Variants in AUTS2 observed in about 807,000 individuals in gnomAD.
The protein encoded by AUTS2 is autism susceptibility gene 2 protein.
Under a neutral mutation model 112.4 loss-of-function variants are expected in AUTS2, and 17 were observed. That is an observed-to-expected ratio of 0.15 (90% CI 0.10 to 0.23). The LOEUF is 0.23. AUTS2 is among the 10% of genes least tolerant of loss of function. The pLI is 1.00. For missense variants in AUTS2, 1,510 were observed against 1,701.6 expected, an observed-to-expected ratio of 0.89 and a Z score of 1.98; for synonymous variants, 751 against 702.7, an observed-to-expected ratio of 1.07 and a Z score of -1.09.
intron 6 of AUTS2, among the ~76,000 whole-genome samples, chr7:70,723,369 C>G (rs1786813449): frequency 6.6e-6 from 1 of 152,088 alleles, no homozygotes; most frequent in Non-Finnish European, 1.5e-5. Flanking sequence ...AACCCAAGAC[C>G]TTGAAGATGG....
intron 1 of AUTS2, among the ~76,000 whole-genome samples, chr7:69,730,415 T>A (rs1295987508): frequency 3.9e-5 from 6 of 152,180 alleles, no homozygotes; most frequent in African/African-American, 1.2e-4. Flanking sequence ...TTCCTGTGGT[T>A]TAATTAAAAG....
At chr7:70,702,536 G>C (rs1436337797) in intron 6 of AUTS2, among the ~76,000 whole-genome samples, 1 of 152,184 alleles carries the variant, frequency 6.6e-6, no homozygotes, top group Non-Finnish European at 1.5e-5. Flanking sequence ...CTGGGGAAAA[G>C]CCTCCTGAGT....
chr7:70,134,695 G>C (rs368578164), intron 4 of AUTS2, 124 bp downstream of exon 4: 1 of 893,596 alleles, frequency 1.1e-6, no homozygotes, highest in South Asian at 1.5e-5. Context: ...AGAGCAGACT[G>C]ATTTCCATTC....
intron 2 of AUTS2, among the ~76,000 whole-genome samples, chr7:69,943,644 T>G (rs764132578): frequency 1.3e-5 from 2 of 152,218 alleles, no homozygotes; most frequent in African/African-American, 2.4e-5. Flanking sequence ...AGACTAAAAC[T>G]AACTTCACTG....
chr7:70,515,019 A>T (rs1799358531), intron 5 of AUTS2, among the ~76,000 whole-genome samples: 1 of 152,108 alleles, frequency 6.6e-6, no homozygotes, highest in South Asian at 2.1e-4. Context: ...TACTCTGGAT[A>T]CTAATTTTTT....
At chr7:69,753,589 G>A (rs1288568785) in intron 1 of AUTS2, among the ~76,000 whole-genome samples, 1 of 152,192 alleles carries the variant, frequency 6.6e-6, no homozygotes, top group Non-Finnish European at 1.5e-5. Flanking sequence ...GTGTGAGGGT[G>A]CAATATGGGT....
chr7:69,600,002 C>T, intron 1 of AUTS2, 40 bp downstream of exon 1: 1 of 1,604,162 alleles, frequency 6.2e-7, no homozygotes, highest in Non-Finnish European at 8.5e-7. Flanking sequence ...CCTTTATGCA[C>T]GACCCCACTC....
intron 5 of AUTS2, among the ~76,000 whole-genome samples, chr7:70,464,678 G>C (rs1797102930): frequency 1.3e-5 from 2 of 152,172 alleles, no homozygotes; most frequent in African/African-American, 4.8e-5. Flanking sequence ...GAAAGTGCCA[G>C]AATAAGATGC....
chr7:70,304,915 A>C (rs1789423423), intron 4 of AUTS2, among the ~76,000 whole-genome samples: 1 of 152,088 alleles, frequency 6.6e-6, no homozygotes, highest in African/African-American at 2.4e-5. Flanking sequence ...GAGACCTTAG[A>C]AAATGCAGAA....
chr7:70,404,508 G>C (rs925556492), intron 4 of AUTS2, among the ~76,000 whole-genome samples: 2 of 152,224 alleles, frequency 1.3e-5, no homozygotes, highest in Non-Finnish European at 2.9e-5. Flanking sequence ...AGAGGGATAT[G>C]ATGTACCTTT....
intron 13 of AUTS2, among the ~76,000 whole-genome samples, chr7:70,776,522 C>T (rs556024472): frequency 1.3e-5 from 2 of 152,270 alleles, no homozygotes; most frequent in East Asian, 1.9e-4. Context: ...TTAGGAACAG[C>T]GCCCACCAAC....
intron 1 of AUTS2, among the ~76,000 whole-genome samples, chr7:69,617,554 G>A (rs1333960564): frequency 2.6e-5 from 4 of 152,078 alleles, no homozygotes; most frequent in African/African-American, 9.7e-5. Flanking sequence ...GTGGGGAGGG[G>A]CCTGCAGTCA....
At chr7:70,257,382 A>G (rs1037085549) in intron 4 of AUTS2, among the ~76,000 whole-genome samples, 12 of 152,134 alleles carry the variant, frequency 7.9e-5, no homozygotes, top group African/African-American at 2.4e-4. Flanking sequence ...CAGTGGCACA[A>G]TCTCGGCTCA....
chr7:69,955,745 A>G (rs1797186213), intron 2 of AUTS2, among the ~76,000 whole-genome samples: 1 of 152,110 alleles, frequency 6.6e-6, no homozygotes, highest in Admixed American at 6.5e-5. Context: ...TGGCATGGGC[A>G]GGGGGCTCAG....
At chr7:69,806,266 A>G (rs1470888551) in intron 1 of AUTS2, among the ~76,000 whole-genome samples, 1 of 148,930 alleles carries the variant, frequency 6.7e-6, no homozygotes, top group Non-Finnish European at 1.5e-5. Context: ...GACAAGAGGA[A>G]GATATGAAGA....
chr7:69,839,165 G>A (rs1791859379), intron 1 of AUTS2, among the ~76,000 whole-genome samples: 1 of 152,164 alleles, frequency 6.6e-6, no homozygotes, highest in Admixed American at 6.5e-5. Flanking sequence ...CTGGGCTGGA[G>A]TTAACATTAA....
At chr7:70,380,017 G>A (rs1055991856) in intron 4 of AUTS2, among the ~76,000 whole-genome samples, 2 of 152,174 alleles carry the variant, frequency 1.3e-5, no homozygotes, top group Non-Finnish European at 2.9e-5. Flanking sequence ...TCCAGGGTGA[G>A]GATGCATCAT....
intron 5 of AUTS2, among the ~76,000 whole-genome samples, chr7:70,545,711 C>T (rs147496765): frequency 6.6e-5 from 10 of 152,298 alleles, no homozygotes; most frequent in South Asian, 2.1e-4. Flanking sequence ...TTTGGCTAGA[C>T]GATCATTCAG....
chr7:70,156,851 C>T (rs1306520807), intron 4 of AUTS2, among the ~76,000 whole-genome samples: 1 of 127,422 alleles, frequency 7.8e-6, no homozygotes, highest in Non-Finnish European at 1.6e-5. Context: ...AGTATGAGAC[C>T]AGCCTGGCCA....
Sources: gnomAD v4.1 joint callset for allele counts (sites outside exome capture counted in the v4.1 genomes callset) on GRCh38, gnomAD v4.1.1 for gene constraint, MANE v1.5 for transcripts, NCBI Gene and HGNC (gene_info 2026-07-23, HGNC 2026-07-21) for gene names.